MITF: variants seen among roughly 807,000 people sequenced by gnomAD.
MITF encodes the protein microphthalmia-associated transcription factor.
In MITF, 17 loss-of-function variants were observed where a neutral mutation model predicts 60.5. The observed-to-expected ratio is 0.28, with a 90% confidence interval of 0.19 to 0.42. MITF has a LOEUF of 0.42. Among genes scored for constraint, MITF ranks in the 10% least tolerant of loss-of-function variants. The pLI is 1.00. For synonymous variants in MITF, 260 were observed against 248.5 expected (o/e 1.05, Z -0.43); for missense variants, 622 against 683.5 (o/e 0.91, Z 1.00).
chr3:69,953,664 G>T (rs60193250), intron 7 of MITF, among the ~76,000 whole-genome samples: 23,982 of 125,032 alleles, frequency 0.19, 1,879 homozygotes, highest in East Asian at 0.28. Context: ...TATATATATA[G>T]AGAGAGAGAG....
intron 1 of MITF, among the ~76,000 whole-genome samples, chr3:69,857,828 T>C (rs1328225431): frequency 6.6e-6 from 1 of 152,174 alleles, no homozygotes; most frequent in Admixed American, 6.5e-5. Flanking sequence ...GTTTAGTGGA[T>C]GAATGGATTT....
intron 1 of MITF, among the ~76,000 whole-genome samples, chr3:69,869,047 G>GA (rs2064171878): frequency 6.6e-6 from 1 of 152,068 alleles, no homozygotes. Context: ...TAGATCCCTA[G>GA]AGCCCAGAGT....
intron 1 of MITF, among the ~76,000 whole-genome samples, chr3:69,832,253 A>G (rs1242848314): frequency 2.0e-5 from 3 of 152,180 alleles, no homozygotes; most frequent in Non-Finnish European, 4.4e-5. Flanking sequence ...TTGGTGGTCA[A>G]TTTATACCCC....
rs1703446882 is a variant in MITF at position 69,739,549 on chromosome 3, C to T, written c.-49C>T. Reference sequence around the variant, plus strand: ...GGCCCAGCTACCTTCCCTCCGCCCCCGGGCTCTGTTCTCACTTTCCAGCAG... The same window carrying T: ...GGCCCAGCTACCTTCCCTCCGCCCCTGGGCTCTGTTCTCACTTTCCAGCAG... On this transcript the variant is annotated 5_prime_UTR_variant, in exon 1 of 10. Transcript: ENST00000352241. 2.7e-6 allele frequency: 4 copies of T among 1,503,582 alleles called. No homozygotes were observed. The highest frequency in any genetic ancestry group is 1.4e-5 in the African/African-American group (1 of 72,246). The allele number at this position is 1,503,582 out of a possible 1,614,324, so 93.1% of individuals were successfully genotyped here.
intron 2 of MITF, among the ~76,000 whole-genome samples, chr3:69,890,733 A>G (rs144110801): frequency 1.6e-4 from 24 of 152,280 alleles, no homozygotes; most frequent in African/African-American, 5.3e-4. Flanking sequence ...TTCTGTTTTG[A>G]TAGTAATTTT....
At chr3:69,777,846 A>G (rs1490904669) in intron 1 of MITF, among the ~76,000 whole-genome samples, 17 of 152,146 alleles carry the variant, frequency 1.1e-4, no homozygotes, top group Non-Finnish European at 1.5e-5. Context: ...AGAATGAAGT[A>G]CTTTTTAAGC....
intron 1 of MITF, among the ~76,000 whole-genome samples, chr3:69,830,485 C>T (rs2063428285): frequency 6.6e-6 from 1 of 152,196 alleles, no homozygotes; most frequent in South Asian, 2.1e-4. Flanking sequence ...CCCCCAAATC[C>T]TGGCCCTTTG....
At chr3:69,876,859 A>G (rs1192199418) in intron 1 of MITF, among the ~76,000 whole-genome samples, 1 of 151,998 alleles carries the variant, frequency 6.6e-6, no homozygotes, top group Non-Finnish European at 1.5e-5. Flanking sequence ...TCCTTTTTTC[A>G]TGGTCTTAAA....
At chr3:69,786,437 C>A (rs967780766) in intron 1 of MITF, among the ~76,000 whole-genome samples, 2 of 152,016 alleles carry the variant, frequency 1.3e-5, no homozygotes, top group African/African-American at 4.8e-5. Context: ...TCATAATGTT[C>A]ATATCAAATA....
chr3:69,873,575 C>A (rs560286603), intron 1 of MITF, among the ~76,000 whole-genome samples: 1 of 152,270 alleles, frequency 6.6e-6, no homozygotes, highest in Non-Finnish European at 1.5e-5. Context: ...TGTTTGGTCT[C>A]ATAGCCTATT....
intron 2 of MITF, among the ~76,000 whole-genome samples, chr3:69,925,521 A>G (rs2065565610): frequency 6.6e-6 from 1 of 152,210 alleles, no homozygotes; most frequent in African/African-American, 2.4e-5. Flanking sequence ...GCAAGCCAAG[A>G]AGAAGCCAAG....
chr3:69,923,536 G>A (rs1249582329), intron 2 of MITF, among the ~76,000 whole-genome samples: 1 of 152,098 alleles, frequency 6.6e-6, no homozygotes, highest in Non-Finnish European at 1.5e-5. Flanking sequence ...GTAGAGATGG[G>A]GTTTCACCAT....
chr3:69,852,886 G>A (rs1321112401), intron 1 of MITF, among the ~76,000 whole-genome samples: 1 of 152,140 alleles, frequency 6.6e-6, no homozygotes, highest in Non-Finnish European at 1.5e-5. Flanking sequence ...GATGGTGAGT[G>A]CATGAAGAGT....
At chr3:69,898,818 A>G (rs912563635) in intron 2 of MITF, among the ~76,000 whole-genome samples, 5 of 152,164 alleles carry the variant, frequency 3.3e-5, no homozygotes, top group Non-Finnish European at 7.4e-5. Flanking sequence ...GGAGCTGGTA[A>G]TTTGTTGAAT....
intron 1 of MITF, among the ~76,000 whole-genome samples, chr3:69,871,026 C>G (rs1332307441): frequency 6.6e-6 from 1 of 152,126 alleles, no homozygotes; most frequent in Admixed American, 6.5e-5. Flanking sequence ...TCGTGAAGTC[C>G]TTGTCCAGGG....
intron 1 of MITF, among the ~76,000 whole-genome samples, chr3:69,766,376 ATTTTTTTTTTTTTTTTT>A (rs753953309): frequency 1.1e-5 from 1 of 95,122 alleles, no homozygotes; most frequent in African/African-American, 4.5e-5. Context: ...TGCCCAGCTA[ATTTTTTTTTTTTTTTTT>A]TTTTTTTTTT....
chr3:69,963,326 C>A (rs2066596991), intron 9 of MITF, among the ~76,000 whole-genome samples: 1 of 152,166 alleles, frequency 6.6e-6, no homozygotes, highest in Non-Finnish European at 1.5e-5. Context: ...GCTTCTAAAA[C>A]TTTAGTTACT....
intron 2 of MITF, among the ~76,000 whole-genome samples, chr3:69,932,711 G>T (rs1575992911): frequency 6.6e-6 from 1 of 152,046 alleles, no homozygotes; most frequent in Non-Finnish European, 1.5e-5. Context: ...TTTCTTTTGT[G>T]GTAATGTAAT....
intron 1 of MITF, among the ~76,000 whole-genome samples, chr3:69,805,892 C>G (rs2062997934): frequency 6.6e-6 from 1 of 152,058 alleles, no homozygotes; most frequent in Non-Finnish European, 1.5e-5. Context: ...AACTCCTAGC[C>G]TTAGGTGATC....
Sources: allele counts gnomAD v4.1 joint callset (sites outside exome capture counted in the v4.1 genomes callset), GRCh38; gene constraint gnomAD v4.1.1; transcripts MANE v1.5; gene names NCBI Gene and HGNC (gene_info 2026-07-23, HGNC 2026-07-21).